ZNF883: variants seen among roughly 807,000 people sequenced by gnomAD.
ZNF883 encodes zinc finger protein 883.
chr9:112,996,505 T>TGTGTAA (rs1828355250), downstream of ZNF883, among the ~76,000 whole-genome samples: 1 of 152,088 alleles, frequency 6.6e-6, no homozygotes, highest in Non-Finnish European at 1.5e-5. Context: ...AAAAGGTTTT[T>TGTGTAA]TTATGGCCGG....
Position 112,997,176 on chromosome 9 carries a change from T to C in ZNF883, n.1084A>G, listed in dbSNP as rs776171197. 2.4e-5 allele frequency: 38 copies of C among 1,613,112 alleles called. No homozygotes were observed. The South Asian group carries it at 4.1e-4, about 17-fold the overall frequency. On this transcript the variant is annotated non_coding_transcript_exon_variant, in exon 1 of 1. Coordinates refer to ENST00000639662, the Ensembl canonical transcript of ZNF883. ...GTTTTCTGATGTCGAATTAAGGATG[T>C]ACTATGACAAAAGACATCACCACAC...
chr9:112,997,178 CTA>C, exon 1 of ZNF883: 1 of 1,613,136 alleles, frequency 6.2e-7, no homozygotes, highest in Non-Finnish European at 8.5e-7. Flanking sequence ...TAAGGATGTA[CTA>C]TGACAAAAGA....
chr9:112,997,923 T>C, exon 1 of ZNF883: 6 of 1,613,896 alleles, frequency 3.7e-6, no homozygotes, highest in Non-Finnish European at 4.2e-6. Context: ...TCATGATTTC[T>C]AAGGGATGAC....
upstream of ZNF883, chr9:112,998,272 A>G (rs1467684509): frequency 6.7e-7 from 1 of 1,482,026 alleles, no homozygotes; most frequent in Non-Finnish European, 9.0e-7. Context: ...GTACTGAACT[A>G]TGGCTTTACA....
chr9:112,999,326 A>G (rs1828398758), upstream of ZNF883, among the ~76,000 whole-genome samples: 1 of 152,220 alleles, frequency 6.6e-6, no homozygotes, highest in South Asian at 2.1e-4. Flanking sequence ...TTGTATAGCC[A>G]CAGCCTATTC....
upstream of ZNF883, chr9:113,002,169 G>A (rs1587896156): frequency 6.6e-6 from 1 of 152,166 alleles, no homozygotes; most frequent in African/African-American, 2.4e-5. Flanking sequence ...TGACAAAGTG[G>A]AGGACTATTA....
downstream of ZNF883, among the ~76,000 whole-genome samples, chr9:112,993,482 A>G (rs886200179): frequency 1.3e-5 from 2 of 152,186 alleles, no homozygotes; most frequent in African/African-American, 4.8e-5. Context: ...ATGCTCCTGT[A>G]TACGGTGTCT....
At chr9:113,005,799 C>T (rs1564334476) in intron 2 of ZNF883, among the ~76,000 whole-genome samples, 1 of 152,154 alleles carries the variant, frequency 6.6e-6, no homozygotes, top group African/African-American at 2.4e-5. Flanking sequence ...ACAGGACAGT[C>T]CTCTTCTCTC....
At chr9:112,990,407 G>A (rs1828290767) in intron 1 of ZNF883, among the ~76,000 whole-genome samples, 1 of 152,180 alleles carries the variant, frequency 6.6e-6, no homozygotes, top group South Asian at 2.1e-4. Flanking sequence ...TTTATGTGAT[G>A]AATTACATTT....
At chr9:112,989,157 C>T (rs891113277) in intron 1 of ZNF883, among the ~76,000 whole-genome samples, 1 of 152,088 alleles carries the variant, frequency 6.6e-6, no homozygotes, top group Non-Finnish European at 1.5e-5. Context: ...TCAATTTTTG[C>T]TTTTGTTGCA....
intron 1 of ZNF883, among the ~76,000 whole-genome samples, chr9:113,011,590 A>G (rs956825954): frequency 3.3e-5 from 5 of 151,996 alleles, no homozygotes; most frequent in African/African-American, 1.2e-4. Flanking sequence ...TAGGGAATCA[A>G]TTCCACAGTT....
At chr9:112,998,188 A>C in exon 1 of ZNF883, 1 of 1,613,866 alleles carries the variant, frequency 6.2e-7, no homozygotes, top group Non-Finnish European at 8.5e-7. Context: ...GGGATGCAAG[A>C]CAAGTGTAGC....
intron 2 of ZNF883, among the ~76,000 whole-genome samples, chr9:113,004,546 G>A (rs918247683): frequency 1.3e-5 from 2 of 152,000 alleles, no homozygotes; most frequent in Non-Finnish European, 2.9e-5. Context: ...AAACATGAGA[G>A]AAATGATCTT....
chr9:112,990,511 T>C (rs1212320408), intron 1 of ZNF883, among the ~76,000 whole-genome samples: 2 of 152,210 alleles, frequency 1.3e-5, no homozygotes, highest in African/African-American at 4.8e-5. Context: ...CTGGATTCAG[T>C]TTGCCAGTAT....
chr9:113,005,394 A>G (rs1828464479), intron 2 of ZNF883, among the ~76,000 whole-genome samples: 1 of 152,176 alleles, frequency 6.6e-6, no homozygotes, highest in Admixed American at 6.5e-5. Context: ...AAAGAAATAC[A>G]AACGATCAAT....
intron 2 of ZNF883, among the ~76,000 whole-genome samples, chr9:113,010,005 G>A (rs576247946): frequency 2.6e-5 from 4 of 152,316 alleles, no homozygotes; most frequent in African/African-American, 7.2e-5. Context: ...CACATTTACT[G>A]GAATGTAACC....
rs1443199990 is a variant in ZNF883, at chr9:113,011,906, G to A, written n.78+244C>T. On this transcript the variant is annotated intron_variant and non_coding_transcript_variant, in intron 1 of 4. Coordinates refer to the ZNF883 transcript ENST00000638622. ...ACCCAAGCCCCTGACTGTTAAGGCT[G>A]GGATGAGCAGACACGGCTTTGCCTC... is the stretch of plus-strand genomic sequence containing the variant. Among the ~76,000 whole-genome samples the A allele has an allele frequency of 1.3e-4, 20 of 152,106 alleles. 1 individual carries two copies. Among genetic ancestry groups the A allele is most frequent in the Admixed American group, 1.3e-3 (20 of 15,266 alleles).
At chr9:112,996,814 AAAAAAAAAAAG>A (rs1414534227), downstream of ZNF883, among the ~76,000 whole-genome samples, 398 of 118,968 alleles carry the variant, frequency 3.3e-3, 2 homozygotes, top group African/African-American at 7.7e-3. Context: ...AAAAAAAAAA[AAAAAAAAAAAG>A]TTTTTTTATA....
upstream of ZNF883, chr9:112,998,346 TAAGTA>T (rs1319726206): frequency 1.8e-6 from 2 of 1,134,250 alleles, no homozygotes; most frequent in Non-Finnish European, 2.3e-6. Context: ...ATTTCCAGAA[TAAGTA>T]AAGTTTGAGA....
Sources: allele counts gnomAD v4.1 joint callset (sites outside exome capture counted in the v4.1 genomes callset), GRCh38; gene constraint gnomAD v4.1.1; transcripts MANE v1.5; gene names NCBI Gene and HGNC (gene_info 2026-07-23, HGNC 2026-07-21).